The following AFF3 variants were observed in gnomAD, a reference collection of about 807,000 sequenced individuals.
AFF3 encodes the protein ALF transcription elongation factor 3.
In AFF3, 32 loss-of-function variants were observed where a neutral mutation model predicts 129.7. The ratio of observed to expected loss-of-function variants is 0.25; its 90% CI spans 0.19 to 0.33. The LOEUF (loss-of-function observed/expected upper bound fraction) is 0.33. Among genes scored for constraint, AFF3 ranks in the 10% least tolerant of loss-of-function variants. The pLI, the probability that AFF3 is intolerant of heterozygous loss-of-function variation, is 1.00. For synonymous variants in AFF3, 644 were observed against 635.4 expected, an observed-to-expected ratio of 1.01 and a Z score of -0.20; for missense variants, 1,373 against 1,592.0, an observed-to-expected ratio of 0.86 and a Z score of 2.34.
At chr2:100,006,595 A>G (rs1681989853) in intron 7 of AFF3, 37 bp downstream of exon 7, 2 of 1,561,750 alleles carry the variant, frequency 1.3e-6, no homozygotes, top group South Asian at 1.2e-5. Flanking sequence ...ACTTGTAACT[A>G]TGCAGTTGCA....
chr2:99,601,536 AGCTGCTGCTGCCGCTGCTGCTGCT>A lies in AFF3; in HGVS notation c.1246_1269del (p.Ser419_Ser426del). 9.4e-6 allele frequency: 15 copies of A among 1,603,512 alleles called. No homozygotes were observed. The highest frequency in any genetic ancestry group is 1.3e-5 in the Non-Finnish European group (15 of 1,176,464). On this transcript the variant is annotated inframe_deletion, in exon 14 of 25. Transcript: ENST00000672756. Reference sequence around the variant, plus strand: ...GAGCTGCTCTCTGAGTCGCTGGAGGAGCTGCTGCTGCCGCTGCTGCTGCTGCTGCTGCTGCCCTTGCTGGAAGGC... The same window carrying A: ...GAGCTGCTCTCTGAGTCGCTGGAGGAGCTGCTGCTGCCCTTGCTGGAAGGC...
chr2:99,818,737 A>G (rs1380616899), intron 8 of AFF3, among the ~76,000 whole-genome samples: 3 of 152,222 alleles, frequency 2.0e-5, no homozygotes, highest in Non-Finnish European at 4.4e-5. Flanking sequence ...GCAGGTATAC[A>G]TGATCTACAT....
At chr2:99,787,325 T>A (rs927692535) in intron 8 of AFF3, among the ~76,000 whole-genome samples, 1 of 151,898 alleles carries the variant, frequency 6.6e-6, no homozygotes, top group Admixed American at 6.6e-5. Flanking sequence ...CAAGCAGAAA[T>A]GGTCAAGGTG....
intron 13 of AFF3, among the ~76,000 whole-genome samples, chr2:99,642,289 CTT>C (rs113114105): frequency 4.9e-5 from 7 of 144,014 alleles, no homozygotes; most frequent in African/African-American, 1.0e-4. Context: ...TGGTTTTGAT[CTT>C]TTTTTTTTTT....
At chr2:99,648,917 A>ACACACACACTCTCTCTCTCTCT in intron 13 of AFF3, among the ~76,000 whole-genome samples, 5 of 46,914 alleles carry the variant, frequency 1.1e-4, no homozygotes, top group Non-Finnish European at 1.4e-4. Context: ...ACACACACAC[A>ACACACACACTCTCTCTCTCTCT]CTCTCTCTCT....
At chr2:100,074,171 T>C (rs1050789600) in intron 4 of AFF3, among the ~76,000 whole-genome samples, 4 of 152,166 alleles carry the variant, frequency 2.6e-5, no homozygotes, top group Non-Finnish European at 4.4e-5. Flanking sequence ...TGTCTCCCGA[T>C]CTAACGGAGC....
Position 99,549,916 on chromosome 2 carries a change from A to G in AFF3, c.*1558T>C. ...TATTTTGTGCCGTCATCACCTTGAA[A>G]AAATGGATTGCACCACATATTACAC... On this transcript the variant is annotated 3_prime_UTR_variant, in exon 25 of 25. Transcript: ENST00000672756. 4.4e-6 allele frequency: 1 copy of G among 227,488 alleles called. No individual in the cohort carries two copies. The highest frequency in any genetic ancestry group is 8.7e-6 in the Non-Finnish European group (1 of 114,552). The allele number at this position is 227,488 out of a possible 1,614,324, so 14.1% of individuals were successfully genotyped here.
At chr2:99,617,764 T>C (rs754172935) in intron 13 of AFF3, among the ~76,000 whole-genome samples, 13 of 152,308 alleles carry the variant, frequency 8.5e-5, no homozygotes, top group Admixed American at 2.6e-4. Context: ...TTCAAGGCAT[T>C]TTCTTTTCAA....
chr2:99,720,581 T>C lies in AFF3; in HGVS notation c.1091+6496A>G, dbSNP rs1575786599. 2.0e-5 allele frequency among the ~76,000 whole-genome samples: 3 copies of C among 152,178 alleles called. No individual in the cohort carries two copies. The South Asian group carries it at 6.2e-4, about 31-fold the overall frequency. On this transcript the variant is annotated intron_variant, in intron 11 of 24. Transcript: ENST00000672756. ...TCTTCATAAACCACCCAGGATCAGGTATTCTGTAATAGCAACACTAAATGG... is the reference window on the plus strand; with the variant it reads ...TCTTCATAAACCACCCAGGATCAGGCATTCTGTAATAGCAACACTAAATGG...
At chr2:99,596,094 G>C (rs79939129) in intron 14 of AFF3, among the ~76,000 whole-genome samples, 1 of 152,228 alleles carries the variant, frequency 6.6e-6, no homozygotes, top group East Asian at 1.9e-4. Context: ...GGTCTTTGAC[G>C]TGACATTTTT....
At chr2:99,783,487 G>A (rs1009068527) in intron 8 of AFF3, among the ~76,000 whole-genome samples, 3 of 152,206 alleles carry the variant, frequency 2.0e-5, no homozygotes, top group Non-Finnish European at 4.4e-5. Flanking sequence ...CCTCTCTCAC[G>A]AGAGAAGAAA....
intron 13 of AFF3, among the ~76,000 whole-genome samples, chr2:99,611,008 T>G (rs145923199): frequency 7.9e-5 from 12 of 152,312 alleles, no homozygotes; most frequent in Non-Finnish European, 1.8e-4. Context: ...TTCTCTGTTG[T>G]TCCTATCAGG....
chr2:100,035,030 A>G (rs1684794754), intron 4 of AFF3, among the ~76,000 whole-genome samples: 1 of 152,168 alleles, frequency 6.6e-6, no homozygotes, highest in Non-Finnish European at 1.5e-5. Context: ...AAGGCCACCA[A>G]GGAGGCAGCA....
chr2:99,608,133 C>G (rs1680557325), intron 13 of AFF3, among the ~76,000 whole-genome samples: 1 of 152,224 alleles, frequency 6.6e-6, no homozygotes. Flanking sequence ...ATCCCTAAAC[C>G]TTGGCAATAA....
At chr2:100,076,488 C>T (rs2105330238) in intron 4 of AFF3, among the ~76,000 whole-genome samples, 1 of 152,264 alleles carries the variant, frequency 6.6e-6, no homozygotes, top group Admixed American at 6.5e-5. Context: ...AAATGTAAAA[C>T]CTAATACCTC....
intron 13 of AFF3, among the ~76,000 whole-genome samples, chr2:99,606,320 A>G (rs745402084): frequency 6.6e-6 from 1 of 152,204 alleles, no homozygotes; most frequent in African/African-American, 2.4e-5. Flanking sequence ...ATTGGTTGAC[A>G]TGATGACATA....
intron 4 of AFF3, among the ~76,000 whole-genome samples, chr2:100,098,725 C>T (rs1015739192): frequency 9.0e-6 from 1 of 111,200 alleles, no homozygotes; most frequent in Admixed American, 8.3e-5. Flanking sequence ...AAGGTGCACA[C>T]TCCCTGGGTT....
Position 99,649,686 on chromosome 2 carries a change from G to C in AFF3, c.1144-20C>G, listed in dbSNP as rs1222475387. On this transcript the variant is annotated intron_variant, in intron 12 of 24. Transcript: ENST00000672756. Reference sequence around the variant, plus strand: ...TGCCTGCTGGAAGAAAGAAAGGGCAGAGATGTTTATTTAATATTCTGACTT... The same window carrying C: ...TGCCTGCTGGAAGAAAGAAAGGGCACAGATGTTTATTTAATATTCTGACTT... 1 of 1,613,852 alleles carries C rather than the reference G, an allele frequency of 6.2e-7. No homozygotes were observed. The highest frequency in any genetic ancestry group is 1.7e-5 in the Admixed American group (1 of 60,028).
At chr2:99,970,250 G>A (rs114555781) in intron 7 of AFF3, among the ~76,000 whole-genome samples, 1,987 of 152,228 alleles carry the variant, frequency 0.013, 53 homozygotes, top group African/African-American at 0.045. Context: ...CTCCACCTGT[G>A]ACCCAGAGAC....
Sources: gnomAD v4.1 joint callset for allele counts (sites outside exome capture counted in the v4.1 genomes callset) on GRCh38, gnomAD v4.1.1 for gene constraint, MANE v1.5 for transcripts, NCBI Gene and HGNC (gene_info 2026-07-23, HGNC 2026-07-21) for gene names.